ENTREP2: variants seen among roughly 807,000 people sequenced by gnomAD.
ENTREP2 encodes the protein endosomal transmembrane epsin interactor 2.
At chr15:29,163,602 T>C in the ENTREP2 span, among the ~76,000 whole-genome samples, 1 of 151,452 alleles carries the variant, frequency 6.6e-6, no homozygotes, top group African/African-American at 2.4e-5. Context: ...ATTAACCCAA[T>C]CCCACAAAGA....
the ENTREP2 span, among the ~76,000 whole-genome samples, chr15:29,443,195 G>A: frequency 3.9e-5 from 6 of 152,294 alleles, no homozygotes; most frequent in East Asian, 9.7e-4. Context: ...ACTCTTCAGT[G>A]GAAGTTGCTC....
At chr15:29,344,263 C>T in the ENTREP2 span, among the ~76,000 whole-genome samples, 1 of 152,292 alleles carries the variant, frequency 6.6e-6, no homozygotes, top group East Asian at 1.9e-4. Flanking sequence ...TCAGAGATGT[C>T]CAGGGTAAAC....
the ENTREP2 span, among the ~76,000 whole-genome samples, chr15:29,186,060 G>A: frequency 1.3e-5 from 2 of 152,130 alleles, no homozygotes; most frequent in Admixed American, 6.5e-5. Flanking sequence ...CGAATGGGGC[G>A]GTGGAGCTCC....
At chr15:29,588,358 C>T in the ENTREP2 span, among the ~76,000 whole-genome samples, 1 of 152,076 alleles carries the variant, frequency 6.6e-6, no homozygotes, top group African/African-American at 2.4e-5. Flanking sequence ...ATCCCAGCTA[C>T]CCAGGAGGCT....
At chr15:29,499,927 A>G in the ENTREP2 span, among the ~76,000 whole-genome samples, 1,002 of 152,296 alleles carry the variant, frequency 6.6e-3, 6 homozygotes, top group African/African-American at 0.023. Flanking sequence ...GTGAACAGAA[A>G]CCAAAATAGA....
chr15:29,445,263 T>G, the ENTREP2 span, among the ~76,000 whole-genome samples: 27 of 152,278 alleles, frequency 1.8e-4, no homozygotes, highest in African/African-American at 6.5e-4. Context: ...CTCCTAACAC[T>G]TGGAATCTCC....
At chr15:29,453,571 C>T in the ENTREP2 span, among the ~76,000 whole-genome samples, 15 of 152,328 alleles carry the variant, frequency 9.8e-5, no homozygotes, top group East Asian at 2.7e-3. Flanking sequence ...CTGCACACTT[C>T]CTGTTGATTT....
the ENTREP2 span, among the ~76,000 whole-genome samples, chr15:29,118,534 G>C: frequency 1.6e-4 from 25 of 152,352 alleles, no homozygotes; most frequent in South Asian, 5.2e-3. Context: ...TGCAACTGGA[G>C]GTGCCAGCAA....
chr15:29,600,281 C>T, the ENTREP2 span, among the ~76,000 whole-genome samples: 1 of 152,156 alleles, frequency 6.6e-6, no homozygotes, highest in Admixed American at 6.5e-5. Context: ...GCCTTACTGA[C>T]ATCATTCATG....
chr15:29,511,801 T>C, the ENTREP2 span, among the ~76,000 whole-genome samples: 3 of 146,750 alleles, frequency 2.0e-5, no homozygotes, highest in African/African-American at 7.6e-5. Context: ...ACAAACCCCT[T>C]ACCCCAGCAT....
At chr15:29,634,449 C>A in the ENTREP2 span, among the ~76,000 whole-genome samples, 1 of 152,192 alleles carries the variant, frequency 6.6e-6, no homozygotes, top group Non-Finnish European at 1.5e-5. Flanking sequence ...GAAAAAAACT[C>A]CCATAAAACC....
At chr15:29,400,454 A>G in the ENTREP2 span, among the ~76,000 whole-genome samples, 1 of 152,188 alleles carries the variant, frequency 6.6e-6, no homozygotes, top group Non-Finnish European at 1.5e-5. Context: ...AAAAGACTAA[A>G]TAATGTATAA....
the ENTREP2 span, among the ~76,000 whole-genome samples, chr15:29,467,569 G>C: frequency 6.6e-6 from 1 of 152,194 alleles, no homozygotes; most frequent in Non-Finnish European, 1.5e-5. Context: ...GCAGTGCTTT[G>C]TGGTTGGGCT....
the ENTREP2 span, among the ~76,000 whole-genome samples, chr15:29,223,927 C>T: frequency 1.3e-5 from 2 of 152,296 alleles, no homozygotes; most frequent in South Asian, 4.1e-4. Context: ...AGCTTGCCCG[C>T]CCCCAGCTCG....
At chr15:29,646,816 C>T in the ENTREP2 span, among the ~76,000 whole-genome samples, 2 of 152,120 alleles carry the variant, frequency 1.3e-5, no homozygotes, top group African/African-American at 2.4e-5. Flanking sequence ...GACACAAAGG[C>T]CTATTTCTAG....
chr15:29,612,355 A>G, the ENTREP2 span, among the ~76,000 whole-genome samples: 1 of 152,144 alleles, frequency 6.6e-6, no homozygotes, highest in Non-Finnish European at 1.5e-5. Context: ...TCAGCTAGAG[A>G]GGAGATGACG....
At chr15:29,431,587 T>C in the ENTREP2 span, among the ~76,000 whole-genome samples, 2 of 152,114 alleles carry the variant, frequency 1.3e-5, no homozygotes, top group African/African-American at 4.8e-5. Flanking sequence ...ATATAACATA[T>C]ATAACCATTT....
At chr15:29,469,098 C>T in the ENTREP2 span, among the ~76,000 whole-genome samples, 4 of 152,166 alleles carry the variant, frequency 2.6e-5, no homozygotes, top group Non-Finnish European at 5.9e-5. Flanking sequence ...CTGACACATG[C>T]AACATCCACC....
the ENTREP2 span, among the ~76,000 whole-genome samples, chr15:29,145,060 A>C: frequency 6.6e-6 from 1 of 152,112 alleles, no homozygotes; most frequent in Admixed American, 6.5e-5. Context: ...TCTCAAAAAA[A>C]ATTTAATGAA....
Sources: gnomAD v4.1 joint callset for allele counts (sites outside exome capture counted in the v4.1 genomes callset) on GRCh38, gnomAD v4.1.1 for gene constraint, MANE v1.5 for transcripts, NCBI Gene and HGNC (gene_info 2026-07-23, HGNC 2026-07-21) for gene names.